The following DMXL2 variants were observed in gnomAD, a reference collection of about 807,000 sequenced individuals.
DMXL2 encodes the protein dmX-like protein 2.
In DMXL2, 103 loss-of-function variants were observed where a neutral mutation model predicts 331.1. The ratio of observed to expected loss-of-function variants is 0.31; its 90% CI spans 0.27 to 0.37. The LOEUF (loss-of-function observed/expected upper bound fraction) is 0.37, where lower values mean the gene tolerates loss of function less well. Ranked by LOEUF, DMXL2 falls within the 10% of genes least tolerant of loss-of-function variation. The pLI is 1.00. For missense variants in DMXL2, 3,171 were observed against 3,642.9 expected, an observed-to-expected ratio of 0.87 and a Z score of 3.33; for synonymous variants, 1,281 against 1,252.1, an observed-to-expected ratio of 1.02 and a Z score of -0.49.
chr15:51,610,062 G>A (rs12440990), intron 1 of DMXL2, among the ~76,000 whole-genome samples: 69,247 of 151,988 alleles, frequency 0.46, 16,425 homozygotes, highest in Non-Finnish European at 0.52. Flanking sequence ...TTGGAAGAAC[G>A]ATCTGAAACG....
chr15:51,561,466 T>A (rs1464600304), intron 6 of DMXL2, among the ~76,000 whole-genome samples: 1 of 152,132 alleles, frequency 6.6e-6, no homozygotes, highest in African/African-American at 2.4e-5. Flanking sequence ...GACAGGCCAG[T>A]TCTGAGGCAC....
At chr15:51,517,882 T>C (rs538585837) in intron 13 of DMXL2, among the ~76,000 whole-genome samples, 1 of 152,326 alleles carries the variant, frequency 6.6e-6, no homozygotes, top group South Asian at 2.1e-4. Context: ...ACTTTCTTAT[T>C]TGTATCAGTA....
At chr15:51,471,690 A>G (rs1205759689) in intron 28 of DMXL2, among the ~76,000 whole-genome samples, 1 of 152,234 alleles carries the variant, frequency 6.6e-6, no homozygotes, top group Non-Finnish European at 1.5e-5. Context: ...AATAAATATT[A>G]AAGTGAGTGA....
Position 51,586,195 on chromosome 15 carries a change from G to A in DMXL2, c.88-10014C>T, listed in dbSNP as rs115860189. 9.5e-3 allele frequency among the ~76,000 whole-genome samples: 1,454 copies of A among 152,274 alleles called. 18 individuals carry two copies. Among genetic ancestry groups the A allele is most frequent in the African/African-American group, 0.033 (1,384 of 41,552 alleles). On this transcript the variant is annotated intron_variant, in intron 1 of 43. Transcript: ENST00000560891. ...TTTAACCTAAGTCAATGATGAGTAC[G>A]GAAATGTTGGAAATAACCTAATAAC... is the stretch of plus-strand genomic sequence containing the variant.
At chr15:51,470,371 T>A (rs1230915787) in intron 29 of DMXL2, among the ~76,000 whole-genome samples, 1 of 152,104 alleles carries the variant, frequency 6.6e-6, no homozygotes, top group Non-Finnish European at 1.5e-5. Flanking sequence ...ATGTAAGCAA[T>A]CCTTCCACCT....
rs1239869007 is a variant in DMXL2, at chr15:51,448,568, T to C, written c.*416A>G. On this transcript the variant is annotated 3_prime_UTR_variant, in exon 44 of 44. Transcript: ENST00000560891. ...GCTCCTAACAAACACCTTATGATTA[T>C]CCTTCATTCAACAGAGGAGGAGACT... The C allele has an allele frequency of 1.3e-5, 3 of 231,940 alleles. No individual in the cohort carries two copies. Among genetic ancestry groups the C allele is most frequent in the South Asian group, 6.4e-5 (1 of 15,546 alleles). 14.4% of individuals were successfully genotyped at this position (231,940 alleles called of 1,614,324 possible).
At chr15:51,485,744 T>C (rs1278422610) in intron 23 of DMXL2, among the ~76,000 whole-genome samples, 2 of 152,180 alleles carry the variant, frequency 1.3e-5, no homozygotes, top group African/African-American at 4.8e-5. Context: ...AAAGAAAATT[T>C]ACCACAGAGG....
chr15:51,564,771 GT>G lies in DMXL2; in HGVS notation c.364+316del, dbSNP rs544046479. On this transcript the variant is annotated intron_variant, in intron 4 of 43. Transcript: ENST00000560891. The stretch of plus-strand genomic sequence containing the variant: ...GATACAAATGATAAAATGAGGTGAA[GT>G]TTTTTTGGTCTCTGTTTTATTTCCA... 7.2e-5 allele frequency among the ~76,000 whole-genome samples: 11 copies of G among 152,130 alleles called. No homozygotes were observed. The South Asian group carries it at 8.3e-4, about 11-fold the overall frequency.
intron 36 of DMXL2, chr15:51,458,172 A>C (rs2039808753): frequency 5.2e-6 from 1 of 191,266 alleles, no homozygotes. Flanking sequence ...AAACACTGCA[A>C]AATTACTCGG....
At chr15:51,492,187 C>T (rs1325601005) in intron 19 of DMXL2, among the ~76,000 whole-genome samples, 1 of 152,190 alleles carries the variant, frequency 6.6e-6, no homozygotes, top group East Asian at 1.9e-4. Context: ...CAAGAGGACA[C>T]AAGGTGTGTT....
intron 13 of DMXL2, among the ~76,000 whole-genome samples, chr15:51,520,623 G>A (rs1324440850): frequency 3.3e-5 from 5 of 152,088 alleles, no homozygotes; most frequent in Non-Finnish European, 7.4e-5. Context: ...TTGGGGGGCC[G>A]AGCTGGGTGG....
chr15:51,506,953 A>T (rs2140550011), intron 16 of DMXL2, among the ~76,000 whole-genome samples, 181 bp downstream of exon 16: 1 of 152,286 alleles, frequency 6.6e-6, no homozygotes, highest in South Asian at 2.1e-4. Context: ...GCTGGTTTTT[A>T]GAATTAACCA....
intron 13 of DMXL2, among the ~76,000 whole-genome samples, chr15:51,521,530 T>C (rs2047382880): frequency 6.6e-6 from 1 of 151,734 alleles, no homozygotes; most frequent in African/African-American, 2.4e-5. Context: ...CAGCTGTTAT[T>C]ATTGTTAAGG....
intron 1 of DMXL2, among the ~76,000 whole-genome samples, chr15:51,583,147 CTA>C (rs2051581770): frequency 1.1e-5 from 1 of 92,178 alleles, no homozygotes; most frequent in Non-Finnish European, 2.0e-5. Context: ...TTATTATACT[CTA>C]AGTTTTAGGG....
At chr15:51,570,802 G>A (rs985740405) in intron 2 of DMXL2, among the ~76,000 whole-genome samples, 6 of 151,998 alleles carry the variant, frequency 3.9e-5, no homozygotes, top group Non-Finnish European at 8.8e-5. Context: ...ACATGGAAAG[G>A]AACAACTGGT....
At chr15:51,565,317 T>C (rs999486448) in intron 3 of DMXL2, 151 bp from the exon 4 acceptor site, 2 of 532,942 alleles carry the variant, frequency 3.8e-6, no homozygotes, top group Non-Finnish European at 6.5e-6. Flanking sequence ...TTTCATATAC[T>C]GTTTTTAACG....
At chr15:51,492,209 G>C (rs1383901166) in intron 19 of DMXL2, among the ~76,000 whole-genome samples, 1 of 152,154 alleles carries the variant, frequency 6.6e-6, no homozygotes, top group Non-Finnish European at 1.5e-5. Context: ...TCCCCCACAA[G>C]AGCCCAGGGG....
At chr15:51,618,474 A>G (rs1449832399) in intron 1 of DMXL2, among the ~76,000 whole-genome samples, 5 of 152,148 alleles carry the variant, frequency 3.3e-5, no homozygotes, top group Non-Finnish European at 5.9e-5. Context: ...AAATGCCATA[A>G]AAGAGGTTAT....
At chr15:51,496,774 T>G (rs902170930) in intron 18 of DMXL2, among the ~76,000 whole-genome samples, 1 of 152,210 alleles carries the variant, frequency 6.6e-6, no homozygotes, top group African/African-American at 2.4e-5. Flanking sequence ...AACTGGATAC[T>G]GGGTATGAGA....
Sources: gnomAD v4.1 joint callset for allele counts (sites outside exome capture counted in the v4.1 genomes callset) on GRCh38, gnomAD v4.1.1 for gene constraint, MANE v1.5 for transcripts, NCBI Gene and HGNC (gene_info 2026-07-23, HGNC 2026-07-21) for gene names.